OSBPL1A: variants seen among roughly 807,000 people sequenced by gnomAD.
OSBPL1A encodes the protein oxysterol-binding protein-related protein 1.
A neutral mutation model predicts 137.1 loss-of-function variants in OSBPL1A; 80 were observed. The observed-to-expected ratio is 0.58, with a 90% confidence interval of 0.49 to 0.70. The LOEUF (loss-of-function observed/expected upper bound fraction) is 0.70. OSBPL1A is among the 30% of genes least tolerant of loss of function. The probability of loss-of-function intolerance (pLI) is 0.00; values close to 1 mark genes in which losing one functional copy is unlikely to be tolerated. For synonymous variants in OSBPL1A, 365 were observed against 389.7 expected (o/e 0.94, Z 0.75); for missense variants, 970 against 1,129.4 (o/e 0.86, Z 2.02).
chr18:24,365,154 A>G (rs368173483), intron 4 of OSBPL1A, among the ~76,000 whole-genome samples: 1 of 152,314 alleles, frequency 6.6e-6, no homozygotes, highest in Admixed American at 6.5e-5. Flanking sequence ...ATAACAAAAG[A>G]TGGTGTATCC....
intron 4 of OSBPL1A, among the ~76,000 whole-genome samples, chr18:24,361,221 C>G (rs2091616114): frequency 6.6e-6 from 1 of 152,108 alleles, no homozygotes; most frequent in South Asian, 2.1e-4. Flanking sequence ...GAAGTGAGGT[C>G]TCCCTATGTT....
At chr18:24,217,414 C>T (rs1489032911) in intron 17 of OSBPL1A, among the ~76,000 whole-genome samples, 3 of 152,000 alleles carry the variant, frequency 2.0e-5, no homozygotes, top group Non-Finnish European at 4.4e-5. Flanking sequence ...CCCGCCACCA[C>T]GCCCAGCTAA....
chr18:24,280,255 A>G (rs1306322894), intron 15 of OSBPL1A, among the ~76,000 whole-genome samples: 1 of 151,736 alleles, frequency 6.6e-6, no homozygotes. Context: ...TAATTTTTGT[A>G]TTTTTTGGTA....
At chr18:24,267,567 GATAATACAT>G (rs2089609139) in intron 15 of OSBPL1A, among the ~76,000 whole-genome samples, 1 of 152,078 alleles carries the variant, frequency 6.6e-6, no homozygotes, top group African/African-American at 2.4e-5. Context: ...CAATGTTAAA[GATAATACAT>G]CATAACCAAA....
chr18:24,252,922 G>A (rs1943408046), intron 15 of OSBPL1A, among the ~76,000 whole-genome samples: 1 of 152,058 alleles, frequency 6.6e-6, no homozygotes, highest in Non-Finnish European at 1.5e-5. Context: ...TTATAAGACA[G>A]TATTTGCAAG....
At chr18:24,181,343 C>G in intron 18 of OSBPL1A, 64 bp from the exon 19 acceptor site, 1 of 1,494,528 alleles carries the variant, frequency 6.7e-7, no homozygotes, top group Non-Finnish European at 9.2e-7. Flanking sequence ...CTATTGTTAT[C>G]TTTACATAAC....
intron 17 of OSBPL1A, among the ~76,000 whole-genome samples, chr18:24,204,297 A>ACT (rs2087305668): frequency 1.3e-5 from 2 of 152,280 alleles, no homozygotes; most frequent in Admixed American, 1.3e-4. Context: ...AGTGAGTTAG[A>ACT]ACATTTTTCA....
At chr18:24,164,619 G>T (rs1021147053) in intron 27 of OSBPL1A, among the ~76,000 whole-genome samples, 1 of 151,574 alleles carries the variant, frequency 6.6e-6, no homozygotes, top group Admixed American at 6.6e-5. Context: ...TAGTAGAGAC[G>T]GGGTTTCACC....
intron 4 of OSBPL1A, among the ~76,000 whole-genome samples, chr18:24,350,213 G>C (rs1599700796): frequency 1.3e-5 from 2 of 152,270 alleles, no homozygotes; most frequent in African/African-American, 4.8e-5. Context: ...TCTTCTAGAA[G>C]GGGCAGTCTG....
Position 24,318,632 on chromosome 18 carries a change from G to T in OSBPL1A, c.701C>A (p.Ala234Glu), listed in dbSNP as rs1313280293. The change falls in exon 9 of 28, where the codon GCA (alanine) becomes GAA (glutamate). Residue 234 changes from alanine (A) to glutamate (E), a missense_variant. Transcript: ENST00000319481. ...ILVGNKVIYK[A>E]LKRYEGPLWK... ...GAGAGGGCCCTCATATCGTTTCAAT[G>T]CTTTGTAGATGACCTGTCAAAAACA... 6.2e-7 allele frequency: 1 copy of T among 1,610,204 alleles called. No homozygotes were observed. The highest frequency in any genetic ancestry group is 8.5e-7 in the Non-Finnish European group (1 of 1,179,254).
intron 12 of OSBPL1A, among the ~76,000 whole-genome samples, chr18:24,312,703 G>A (rs1207045268): frequency 6.6e-6 from 1 of 152,134 alleles, no homozygotes; most frequent in Non-Finnish European, 1.5e-5. Context: ...TTTATGAAAT[G>A]TTGGGAGAGT....
intron 4 of OSBPL1A, among the ~76,000 whole-genome samples, chr18:24,353,727 A>C (rs1167865641): frequency 3.3e-5 from 5 of 152,034 alleles, no homozygotes; most frequent in Admixed American, 1.3e-4. Context: ...ACCATGGAAT[A>C]CTATGCAGCC....
chr18:24,389,101 T>C (rs1293914215), intron 1 of OSBPL1A, among the ~76,000 whole-genome samples: 3 of 152,180 alleles, frequency 2.0e-5, no homozygotes, highest in Non-Finnish European at 4.4e-5. Flanking sequence ...AAGAAGAAGA[T>C]AAGCATTCCC....
intron 4 of OSBPL1A, among the ~76,000 whole-genome samples, chr18:24,350,196 C>T (rs1233991868): frequency 6.6e-6 from 1 of 152,168 alleles, no homozygotes; most frequent in Non-Finnish European, 1.5e-5. Flanking sequence ...ATAACAGCCT[C>T]TGGGAATCTT....
intron 1 of OSBPL1A, among the ~76,000 whole-genome samples, chr18:24,387,492 T>C (rs1192978241): frequency 6.6e-6 from 1 of 152,198 alleles, no homozygotes; most frequent in African/African-American, 2.4e-5. Flanking sequence ...TAGATCATTA[T>C]AATAAAATGA....
intron 14 of OSBPL1A, among the ~76,000 whole-genome samples, chr18:24,283,410 T>C (rs1288538508): frequency 6.6e-6 from 1 of 151,228 alleles, no homozygotes; most frequent in African/African-American, 2.4e-5. Context: ...TCTTACAGAA[T>C]AGTTTTCTCT....
chr18:24,359,003 G>A lies in OSBPL1A; in HGVS notation c.282+7889C>T, dbSNP rs1430379875. Among the ~76,000 whole-genome samples, 5 of 152,148 alleles carry A rather than the reference G, an allele frequency of 3.3e-5. No individual in the cohort carries two copies. The South Asian group carries it at 1.0e-3, about 31-fold the overall frequency. On this transcript the variant is annotated intron_variant, in intron 4 of 27. Transcript: ENST00000319481. The stretch of plus-strand genomic sequence containing the variant: ...AGGCTAAGGCAGGCAGATCACTTGA[G>A]CCCAGGAGTTTCAGACCAGCCTGGG...
In OSBPL1A at chr18:24,239,364, C is replaced by T. The variant is rs1197146685; in HGVS notation, c.1300G>A (p.Glu434Lys). Residue 434 changes from glutamate to lysine, a missense_variant, in exon 16 of 28, where the codon GAA (glutamate) becomes AAA (lysine). This residue lies in a region of OSBPL1A where 647 missense variants were observed against 672.6 expected (regional missense o/e 0.96). Transcript: ENST00000319481. ...ATTTTGTTTTTTTCTTGCTCTTGTTCCAATTTAAAATTCCTCACCTAGAAG... is the reference window on the plus strand; with the variant it reads ...ATTTTGTTTTTTTCTTGCTCTTGTTTCAATTTAAAATTCCTCACCTAGAAG... Reference protein sequence around the residue: ...KQEGVRNFKLEQEQEKNKILS... With the variant: ...KQEGVRNFKLKQEQEKNKILS... 3 of 1,613,502 alleles carry T rather than the reference C, an allele frequency of 1.9e-6. No homozygotes were observed. The highest frequency in any genetic ancestry group is 2.7e-5 in the African/African-American group (2 of 74,866).
chr18:24,167,782 C>T (rs995363779), intron 24 of OSBPL1A, among the ~76,000 whole-genome samples: 1 of 152,228 alleles, frequency 6.6e-6, no homozygotes, highest in South Asian at 2.1e-4. Flanking sequence ...TTTCTTAGAA[C>T]ATATCCCTGT....
Sources: allele counts gnomAD v4.1 joint callset (sites outside exome capture counted in the v4.1 genomes callset), GRCh38; gene constraint gnomAD v4.1.1; regional missense constraint gnomAD v4.1.1; transcripts MANE v1.5; gene names NCBI Gene and HGNC (gene_info 2026-07-23, HGNC 2026-07-21).